The following SERINC5 variants were observed in gnomAD, a reference collection of about 807,000 sequenced individuals.
The protein encoded by SERINC5 is serine incorporator 5, also known as chromosome 5 open reading frame 12.
SERINC5 carries 41 observed loss-of-function variants against 63.1 expected under a neutral mutation model. That is an observed-to-expected ratio of 0.65 (90% CI 0.51 to 0.84). The LOEUF (loss-of-function observed/expected upper bound fraction) is 0.84, where lower values mean the gene tolerates loss of function less well. Ranked by LOEUF, SERINC5 falls within the 40% of genes least tolerant of loss-of-function variation. The pLI, the probability that SERINC5 is intolerant of heterozygous loss-of-function variation, is 0.00. For synonymous variants in SERINC5, 222 were observed against 215.2 expected, an observed-to-expected ratio of 1.03 and a Z score of -0.28; for missense variants, 523 against 573.0, an observed-to-expected ratio of 0.91 and a Z score of 0.89.
chr5:80,137,158 A>AAAAC (rs1745225981), downstream of SERINC5, among the ~76,000 whole-genome samples: 1 of 104,818 alleles, frequency 9.5e-6, no homozygotes, highest in African/African-American at 3.4e-5. Flanking sequence ...AAAAAAAAAA[A>AAAAC]AAAAACAAAA....
At chr5:80,151,285 C>T (rs1186415986) in intron 8 of SERINC5, among the ~76,000 whole-genome samples, 1 of 152,192 alleles carries the variant, frequency 6.6e-6, no homozygotes, top group African/African-American at 2.4e-5. Flanking sequence ...ATCTTTCCCT[C>T]CCTTTGACTA....
intron 2 of SERINC5, among the ~76,000 whole-genome samples, chr5:80,200,888 G>A (rs760989516): frequency 3.3e-5 from 5 of 152,060 alleles, no homozygotes; most frequent in Non-Finnish European, 7.4e-5. Context: ...GAGGTCAGGA[G>A]TTCCAGACCA....
chr5:80,211,542 G>T (rs924403421), intron 1 of SERINC5, among the ~76,000 whole-genome samples: 12 of 152,214 alleles, frequency 7.9e-5, no homozygotes, highest in Admixed American at 2.0e-4. Context: ...CACATCTGTT[G>T]TAACTTCTGA....
intron 1 of SERINC5, among the ~76,000 whole-genome samples, chr5:80,216,223 C>CTGTA (rs1448779275): frequency 2.0e-5 from 3 of 152,126 alleles, no homozygotes; most frequent in African/African-American, 7.2e-5. Flanking sequence ...GGGGGCTGAC[C>CTGTA]TGTACACTGG....
intron 1 of SERINC5, among the ~76,000 whole-genome samples, chr5:80,214,878 C>T (rs1207008614): frequency 6.6e-6 from 1 of 152,002 alleles, no homozygotes; most frequent in African/African-American, 2.4e-5. Context: ...GCCTGGGCAA[C>T]GAGACTGAAA....
intron 11 of SERINC5, among the ~76,000 whole-genome samples, chr5:80,115,570 T>C (rs1161405858): frequency 6.6e-6 from 1 of 152,046 alleles, no homozygotes; most frequent in African/African-American, 2.4e-5. Flanking sequence ...TTTGTTCTAT[T>C]TCATAATCTT....
intron 1 of SERINC5, among the ~76,000 whole-genome samples, chr5:80,217,806 C>T (rs188091141): frequency 7.9e-5 from 12 of 152,212 alleles, no homozygotes; most frequent in Non-Finnish European, 1.6e-4. Flanking sequence ...CATCCCAAAA[C>T]CTGCACTGGA....
chr5:80,218,777 G>C (rs1423076828), intron 1 of SERINC5, among the ~76,000 whole-genome samples: 1 of 151,672 alleles, frequency 6.6e-6, no homozygotes, highest in Non-Finnish European at 1.5e-5. Context: ...GAAGCTGACA[G>C]CCCCGACTAA....
chr5:80,188,108 C>A (rs1319911281), intron 2 of SERINC5, among the ~76,000 whole-genome samples: 1 of 151,804 alleles, frequency 6.6e-6, no homozygotes, highest in African/African-American at 2.4e-5. Flanking sequence ...GATGGTGAAA[C>A]CCCGTCTCTG....
At chr5:80,167,492 T>C (rs1301757750) in intron 6 of SERINC5, among the ~76,000 whole-genome samples, 1 of 152,238 alleles carries the variant, frequency 6.6e-6, no homozygotes, top group African/African-American at 2.4e-5. Flanking sequence ...CAATCTACCA[T>C]TGACGGGCAT....
chr5:80,125,252 C>T (rs148626439), intron 11 of SERINC5, among the ~76,000 whole-genome samples: 4 of 152,320 alleles, frequency 2.6e-5, no homozygotes, highest in South Asian at 4.1e-4. Flanking sequence ...TGAGGAGATA[C>T]CACCACATAA....
intron 1 of SERINC5, among the ~76,000 whole-genome samples, chr5:80,218,412 T>C (rs180905203): frequency 6.2e-4 from 94 of 152,260 alleles, no homozygotes; most frequent in African/African-American, 2.2e-3. Context: ...TGATGGCACA[T>C]GCCCGTAATC....
chr5:80,244,663 A>T (rs2112599701), intron 1 of SERINC5, among the ~76,000 whole-genome samples: 1 of 152,060 alleles, frequency 6.6e-6, no homozygotes, highest in Non-Finnish European at 1.5e-5. Context: ...TCTACTAAAA[A>T]ATACAAAAAT....
intron 1 of SERINC5, among the ~76,000 whole-genome samples, chr5:80,208,508 C>T (rs889410276): frequency 4.6e-5 from 7 of 152,140 alleles, no homozygotes; most frequent in African/African-American, 1.7e-4. Context: ...TGGCAACACT[C>T]CTCACGCACA....
intron 1 of SERINC5, among the ~76,000 whole-genome samples, chr5:80,214,859 T>C (rs1024555790): frequency 1.3e-5 from 2 of 152,190 alleles, no homozygotes; most frequent in African/African-American, 4.8e-5. Flanking sequence ...ATCATGCCAT[T>C]GCACTCCAGC....
In SERINC5 at chr5:80,178,236, T is replaced by A. The variant is rs182436523; in HGVS notation, c.196-172A>T. 2.6e-5 allele frequency among the ~76,000 whole-genome samples: 4 copies of A among 152,304 alleles called. No individual in the cohort carries two copies. In the East Asian group the frequency reaches 7.7e-4, roughly 29 times the overall value. ...ATATTTTTCTAATTTTCTCTGAATCTTTTTTAAAGATACAGTGATCATAAA... is the reference window on the plus strand; with the variant it reads ...ATATTTTTCTAATTTTCTCTGAATCATTTTTAAAGATACAGTGATCATAAA... On this transcript the variant is annotated intron_variant, in intron 2 of 11. Coordinates refer to ENST00000507668, the MANE Select transcript of SERINC5 (RefSeq NM_001174072.3).
At chr5:80,191,527 C>T (rs1287392853) in intron 2 of SERINC5, among the ~76,000 whole-genome samples, 1 of 147,398 alleles carries the variant, frequency 6.8e-6, no homozygotes, top group Non-Finnish European at 1.5e-5. Context: ...AGCCAGGCAT[C>T]GTGGTGCACA....
chr5:80,129,917 C>T (rs1199416745), intron 11 of SERINC5, among the ~76,000 whole-genome samples: 1 of 152,152 alleles, frequency 6.6e-6, no homozygotes, highest in Non-Finnish European at 1.5e-5. Context: ...GCCACACTCC[C>T]ACCACAACAT....
intron 8 of SERINC5, 86 bp downstream of exon 8, chr5:80,158,750 C>T (rs1746694705): frequency 2.2e-6 from 3 of 1,353,588 alleles, no homozygotes; most frequent in African/African-American, 2.9e-5. Flanking sequence ...ATGGTTGCAG[C>T]CTCACAGCTA....
Sources: allele counts gnomAD v4.1 joint callset (sites outside exome capture counted in the v4.1 genomes callset), GRCh38; gene constraint gnomAD v4.1.1; transcripts MANE v1.5; gene names NCBI Gene and HGNC (gene_info 2026-07-23, HGNC 2026-07-21).